The following KCNH7 variants were observed in gnomAD, a reference collection of about 807,000 sequenced individuals.
KCNH7 encodes the protein potassium voltage-gated channel subfamily H member 7.
In KCNH7, 49 loss-of-function variants were observed where a neutral mutation model predicts 120.8. The ratio of observed to expected loss-of-function variants is 0.41; its 90% CI spans 0.32 to 0.51. The LOEUF (loss-of-function observed/expected upper bound fraction) is 0.51. KCNH7 is among the 20% of genes least tolerant of loss of function. The pLI is 0.38. For missense variants in KCNH7, 1,097 were observed against 1,446.6 expected, an observed-to-expected ratio of 0.76 and a Z score of 3.92; for synonymous variants, 547 against 516.1, an observed-to-expected ratio of 1.06 and a Z score of -0.81.
At chr2:162,654,710 G>T (rs184129993) in intron 2 of KCNH7, among the ~76,000 whole-genome samples, 11 of 152,206 alleles carry the variant, frequency 7.2e-5, no homozygotes, top group Admixed American at 5.9e-4. Context: ...TGGTCACTGA[G>T]CATTATTCAC....
chr2:162,779,787 G>T (rs578116300), intron 2 of KCNH7, among the ~76,000 whole-genome samples: 5 of 152,130 alleles, frequency 3.3e-5, no homozygotes, highest in African/African-American at 1.2e-4. Context: ...GAATAATTTT[G>T]CTCAACTCCG....
chr2:162,533,472 T>A (rs1270693234), intron 3 of KCNH7, among the ~76,000 whole-genome samples: 1 of 151,532 alleles, frequency 6.6e-6, no homozygotes, highest in African/African-American at 2.4e-5. Context: ...GACTAAAAGA[T>A]GACTTTAAAA....
At chr2:162,795,958 C>G (rs530776433) in intron 2 of KCNH7, 2 of 152,086 alleles carry the variant, frequency 1.3e-5, no homozygotes, top group Admixed American at 1.3e-4. Context: ...CAAAGAAGAC[C>G]ACAGTATAAG....
At chr2:162,777,349 T>C (rs905109820) in intron 2 of KCNH7, among the ~76,000 whole-genome samples, 7 of 151,742 alleles carry the variant, frequency 4.6e-5, no homozygotes, top group African/African-American at 1.7e-4. Flanking sequence ...ATATCAATAA[T>C]TGTTATATGG....
chr2:162,682,424 AGAG>A (rs1400370701), intron 2 of KCNH7, among the ~76,000 whole-genome samples: 1 of 151,040 alleles, frequency 6.6e-6, no homozygotes, highest in East Asian at 1.9e-4. Context: ...AGACAGAGAG[AGAG>A]AGAGAGAGAG....
At chr2:162,798,944 GTGTCA>G (rs1684243640) in intron 2 of KCNH7, among the ~76,000 whole-genome samples, 1 of 151,958 alleles carries the variant, frequency 6.6e-6, no homozygotes, top group Non-Finnish European at 1.5e-5. Context: ...CAGACATCCA[GTGTCA>G]TCTCACATAC....
chr2:162,449,617 A>G (rs1268210540), intron 6 of KCNH7, among the ~76,000 whole-genome samples: 2 of 152,060 alleles, frequency 1.3e-5, no homozygotes, highest in Non-Finnish European at 2.9e-5. Context: ...CCAAAATGCC[A>G]TGTGTCACGG....
intron 2 of KCNH7, among the ~76,000 whole-genome samples, chr2:162,587,596 C>A (rs920574199): frequency 1.3e-5 from 2 of 152,066 alleles, no homozygotes; most frequent in African/African-American, 4.8e-5. Context: ...CACACGCAAG[C>A]ACATTGTGTC....
intron 2 of KCNH7, among the ~76,000 whole-genome samples, chr2:162,688,651 A>C (rs2105324548): frequency 6.6e-6 from 1 of 152,242 alleles, no homozygotes; most frequent in South Asian, 2.1e-4. Context: ...TATGCATAAA[A>C]ATCACTGTGG....
chr2:162,599,644 T>C (rs1283085801), intron 2 of KCNH7, among the ~76,000 whole-genome samples: 2 of 152,012 alleles, frequency 1.3e-5, no homozygotes, highest in Non-Finnish European at 2.9e-5. Flanking sequence ...TGGTCTCTTT[T>C]TTTTTTACGG....
rs567863305 is a variant in KCNH7 at position 162,727,223 on chromosome 2, A to G, written c.307+109314T>C. 7.6e-4 allele frequency among the ~76,000 whole-genome samples: 116 copies of G among 152,332 alleles called. 4 individuals carry two copies. The South Asian group carries it at 0.023, about 31-fold the overall frequency. ...GTATACATACAAAATTCTTAGAATA[A>G]CAAGAGTGATGTTACTGATAAAATA... On this transcript the variant is annotated intron_variant, in intron 2 of 15. Transcript: ENST00000332142.
rs1041110345 is a variant in KCNH7, at chr2:162,809,897, T to A, written c.307+26640A>T. Reference sequence around the variant, plus strand: ...TACAGAATTCTTTTGTAATCATATGTTCTCACCTATTCTTTTTTTTTTTTT... The same window carrying A: ...TACAGAATTCTTTTGTAATCATATGATCTCACCTATTCTTTTTTTTTTTTT... On this transcript the variant is annotated intron_variant, in intron 2 of 15. Coordinates refer to ENST00000332142, the MANE Select transcript of KCNH7 (RefSeq NM_033272.4). Among the ~76,000 whole-genome samples the A allele has an allele frequency of 2.1e-4, 32 of 151,844 alleles. 5 individuals are homozygous for A. Among genetic ancestry groups the A allele is most frequent in the Non-Finnish European group, 2.9e-5 (2 of 67,922 alleles).
At chr2:162,807,256 CAAAAAAAAAA>C (rs745345993) in intron 2 of KCNH7, among the ~76,000 whole-genome samples, 9 of 15,622 alleles carry the variant, frequency 5.8e-4, no homozygotes, top group African/African-American at 8.4e-4. Flanking sequence ...ACTAAAAATA[CAAAAAAAAAA>C]AAAAAAAAAA....
At chr2:162,680,907 G>A (rs1197487450) in intron 2 of KCNH7, among the ~76,000 whole-genome samples, 1 of 151,704 alleles carries the variant, frequency 6.6e-6, no homozygotes, top group African/African-American at 2.4e-5. Context: ...TTAGCTTCAG[G>A]TTACAGAGTA....
intron 2 of KCNH7, among the ~76,000 whole-genome samples, chr2:162,760,577 T>A (rs1449770005): frequency 1.3e-5 from 2 of 152,070 alleles, no homozygotes; most frequent in East Asian, 3.9e-4. Context: ...TTATTTTGAG[T>A]GAAGTAACAT....
chr2:162,753,061 G>T (rs919412178), intron 2 of KCNH7, among the ~76,000 whole-genome samples: 1 of 149,924 alleles, frequency 6.7e-6, no homozygotes, highest in African/African-American at 2.4e-5. Context: ...ATCCTAGTTT[G>T]ATTCCTAAAG....
At chr2:162,683,297 A>G (rs751772984) in intron 2 of KCNH7, among the ~76,000 whole-genome samples, 7 of 151,906 alleles carry the variant, frequency 4.6e-5, no homozygotes, top group Non-Finnish European at 8.8e-5. Context: ...AGAATTTCCT[A>G]TTCAGAGAGG....
At chr2:162,834,011 T>C (rs1367388703) in intron 2 of KCNH7, among the ~76,000 whole-genome samples, 1 of 152,052 alleles carries the variant, frequency 6.6e-6, no homozygotes, top group East Asian at 1.9e-4. Flanking sequence ...AACTCAAAAG[T>C]CAATGGCATC....
chr2:162,414,921 T>G (rs1687496317), intron 9 of KCNH7, among the ~76,000 whole-genome samples: 1 of 152,046 alleles, frequency 6.6e-6, no homozygotes, highest in Non-Finnish European at 1.5e-5. Flanking sequence ...AGAGCAGTCA[T>G]GTCTTACTCC....
Sources: allele counts gnomAD v4.1 joint callset (sites outside exome capture counted in the v4.1 genomes callset), GRCh38; gene constraint gnomAD v4.1.1; transcripts MANE v1.5; gene names NCBI Gene and HGNC (gene_info 2026-07-23, HGNC 2026-07-21).